SH3RF2: variants seen among roughly 807,000 people sequenced by gnomAD.
SH3RF2 encodes the protein SH3 domain containing ring finger 2.
In SH3RF2, 43 loss-of-function variants were observed where a neutral mutation model predicts 59.0. The observed-to-expected ratio is 0.73, with a 90% CI of 0.57 to 0.94. The LOEUF is 0.94. SH3RF2 is among the 40% of genes least tolerant of loss of function. The pLI is 0.00. For missense variants in SH3RF2, 930 were observed against 940.1 expected (o/e 0.99, Z 0.14); for synonymous variants, 391 against 391.5 (o/e 1.00, Z 0.01).
chr5:146,028,294 A>G (rs13159280), intron 5 of SH3RF2, among the ~76,000 whole-genome samples: 43,719 of 151,438 alleles, frequency 0.29, 7,792 homozygotes, highest in Non-Finnish European at 0.38. Context: ...GTAACAGGGT[A>G]GCATTCTGGG....
intron 5 of SH3RF2, among the ~76,000 whole-genome samples, chr5:146,037,964 G>A (rs997368780): frequency 6.6e-6 from 1 of 152,066 alleles, no homozygotes; most frequent in African/African-American, 2.4e-5. Flanking sequence ...AGAAATGCAG[G>A]GAAATGGCAT....
rs192645924 is a variant in SH3RF2 at position 145,994,790 on chromosome 5, A to G, written c.379-5268A>G. Reference sequence around the variant, plus strand: ...TTTTAATCTAAAAATTGACATTTGAAATAATACACACCTCAAAGATTGTTG... The same window carrying G: ...TTTTAATCTAAAAATTGACATTTGAGATAATACACACCTCAAAGATTGTTG... On this transcript the variant is annotated intron_variant, in intron 2 of 9. Transcript: ENST00000359120. Among the ~76,000 whole-genome samples the G allele has an allele frequency of 7.5e-3, 1,135 of 152,282 alleles. 11 individuals are homozygous for G. The highest frequency in any genetic ancestry group is 0.011 in the Non-Finnish European group (767 of 68,026).
intron 2 of SH3RF2, among the ~76,000 whole-genome samples, chr5:145,983,540 G>A (rs1291281279): frequency 6.6e-6 from 1 of 152,178 alleles, no homozygotes; most frequent in Admixed American, 6.5e-5. Flanking sequence ...GAGTGTCAAT[G>A]ACACCCAGCT....
intron 2 of SH3RF2, among the ~76,000 whole-genome samples, chr5:145,990,416 A>G (rs1177643635): frequency 6.6e-6 from 1 of 152,216 alleles, no homozygotes; most frequent in Non-Finnish European, 1.5e-5. Flanking sequence ...TGATTGAGGC[A>G]CATGCCTCAT....
intron 5 of SH3RF2, among the ~76,000 whole-genome samples, chr5:146,031,642 C>T (rs1761747623): frequency 6.6e-6 from 1 of 152,208 alleles, no homozygotes; most frequent in Admixed American, 6.5e-5. Context: ...CAATGCCAAG[C>T]TCTGCTGTGT....
intron 5 of SH3RF2, among the ~76,000 whole-genome samples, chr5:146,020,114 C>G (rs1291846441): frequency 6.6e-6 from 1 of 152,122 alleles, no homozygotes; most frequent in East Asian, 1.9e-4. Flanking sequence ...CCTGACTGTG[C>G]TGGCTAGGAA....
At chr5:145,961,959 G>C (rs1163097284) in intron 2 of SH3RF2, among the ~76,000 whole-genome samples, 1 of 152,142 alleles carries the variant, frequency 6.6e-6, no homozygotes, top group African/African-American at 2.4e-5. Context: ...TCATCTCTCA[G>C]CTCTACCTAC....
intron 7 of SH3RF2, chr5:146,050,256 G>C (rs904182985): frequency 1.3e-5 from 2 of 152,214 alleles, no homozygotes; most frequent in Non-Finnish European, 2.9e-5. Context: ...TGTTCTGAGA[G>C]GGGGCAGTGG....
chr5:146,063,579 G>A (rs1219445682), downstream of SH3RF2, among the ~76,000 whole-genome samples: 2 of 152,208 alleles, frequency 1.3e-5, no homozygotes, highest in Non-Finnish European at 2.9e-5. Context: ...CACAACGTGG[G>A]CCAGGTGCAG....
At chr5:146,070,547 T>C (rs968150945) in intron 9 of SH3RF2, among the ~76,000 whole-genome samples, 1 of 152,212 alleles carries the variant, frequency 6.6e-6, no homozygotes, top group African/African-American at 2.4e-5. Flanking sequence ...CAAAACACAA[T>C]GATCATTTTG....
intron 2 of SH3RF2, among the ~76,000 whole-genome samples, chr5:145,973,969 T>G (rs1759186819): frequency 6.6e-6 from 1 of 152,218 alleles, no homozygotes; most frequent in African/African-American, 2.4e-5. Flanking sequence ...ATCTCACAGG[T>G]TCTGTGGGTC....
intron 2 of SH3RF2, among the ~76,000 whole-genome samples, chr5:145,940,647 A>C (rs1048190668): frequency 1.3e-5 from 2 of 152,212 alleles, no homozygotes; most frequent in Non-Finnish European, 2.9e-5. Context: ...TCTTTGCAAC[A>C]TACTTTTACT....
chr5:146,020,318 G>A (rs11739577), intron 5 of SH3RF2, among the ~76,000 whole-genome samples: 47,171 of 151,894 alleles, frequency 0.31, 8,203 homozygotes, highest in Non-Finnish European at 0.39. Flanking sequence ...ATAAAAGTAC[G>A]GTGTGTGTGT....
intron 2 of SH3RF2, among the ~76,000 whole-genome samples, chr5:145,945,975 A>G (rs1757993841): frequency 6.6e-6 from 1 of 152,194 alleles, no homozygotes; most frequent in Admixed American, 6.5e-5. Flanking sequence ...TTTCCATTGA[A>G]ATGGTCAGGT....
chr5:146,051,464 C>T (rs374639947), intron 7 of SH3RF2, among the ~76,000 whole-genome samples: 1 of 152,026 alleles, frequency 6.6e-6, no homozygotes, highest in Non-Finnish European at 1.5e-5. Flanking sequence ...TGAATTGAAC[C>T]GAAGTGTTAG....
intron 2 of SH3RF2, among the ~76,000 whole-genome samples, chr5:145,939,243 G>A (rs926462225): frequency 6.6e-6 from 1 of 152,214 alleles, no homozygotes; most frequent in Non-Finnish European, 1.5e-5. Context: ...GCTGTGGCTT[G>A]GGCCATTGGC....
intron 3 of SH3RF2, 101 bp from the exon 4 acceptor site, chr5:146,003,957 C>A: frequency 1.1e-6 from 1 of 902,574 alleles, no homozygotes; most frequent in East Asian, 2.7e-5. Flanking sequence ...AGCTACATTC[C>A]TAACACTTTA....
intron 3 of SH3RF2, among the ~76,000 whole-genome samples, chr5:146,002,970 G>T (rs544102944): frequency 1.8e-4 from 28 of 152,248 alleles, no homozygotes; most frequent in African/African-American, 6.3e-4. Flanking sequence ...AAAAAGGTTG[G>T]GTACCGCTGT....
At chr5:146,066,043 A>T (rs1303738906), downstream of SH3RF2, among the ~76,000 whole-genome samples, 1 of 152,222 alleles carries the variant, frequency 6.6e-6, no homozygotes, top group Non-Finnish European at 1.5e-5. Context: ...CCATATCCCT[A>T]TAAGGCAGGT....
Sources: allele counts gnomAD v4.1 joint callset (sites outside exome capture counted in the v4.1 genomes callset), GRCh38; gene constraint gnomAD v4.1.1; transcripts MANE v1.5; gene names NCBI Gene and HGNC (gene_info 2026-07-23, HGNC 2026-07-21).